The following TDRD1 variants were observed in gnomAD, a reference collection of about 807,000 sequenced individuals.
TDRD1 encodes tudor domain containing 1.
Under a neutral mutation model 140.6 loss-of-function variants are expected in TDRD1, and 37 were observed. The observed-to-expected ratio is 0.26, with a 90% CI of 0.20 to 0.35. The LOEUF is 0.35. Ranked by LOEUF, TDRD1 falls within the 10% of genes least tolerant of loss-of-function variation. TDRD1 has a pLI of 1.00. For synonymous variants in TDRD1, 506 were observed against 475.7 expected (o/e 1.06, Z -0.83); for missense variants, 1,243 against 1,393.0 (o/e 0.89, Z 1.71).
chr10:114,210,103 T>C (rs1260879879), intron 11 of TDRD1, among the ~76,000 whole-genome samples: 1 of 152,230 alleles, frequency 6.6e-6, no homozygotes, highest in African/African-American at 2.4e-5. Flanking sequence ...CTTGTGACTT[T>C]ATGTTGCTTG....
intron 1 of TDRD1, among the ~76,000 whole-genome samples, chr10:114,187,242 G>C (rs1272665866): frequency 6.6e-6 from 1 of 152,194 alleles, no homozygotes; most frequent in Non-Finnish European, 1.5e-5. Context: ...TGGAAGTTCA[G>C]CTGGAGATGA....
At position 114,204,830 on chromosome 10, in the gene TDRD1, A is replaced by G. The variant is rs775483482; in HGVS notation, c.1234A>G (p.Ile412Val). 98 of 1,599,030 alleles carry G rather than the reference A, an allele frequency of 6.1e-5. 1 individual carries two copies. Among genetic ancestry groups the G allele is most frequent in the Admixed American group, 4.6e-4 (26 of 57,046 alleles). The stretch of plus-strand genomic sequence containing the variant: ...AATGGAGCAGTACTGCTCCATAAAG[A>G]TTGTCGACATCTTGGAAGAGGAAGT... Residue 412 changes from isoleucine to valine, a missense_variant, in exon 10 of 26, where the codon ATT (isoleucine) becomes GTT (valine). By Grantham distance (29) the Ile-to-Val change is conservative (BLOSUM62 3). Transcript: ENST00000251864.
At chr10:114,213,647 AAT>A (rs2035629057) in intron 15 of TDRD1, 59 bp downstream of exon 15, 3 of 1,477,600 alleles carry the variant, frequency 2.0e-6, no homozygotes, top group Non-Finnish European at 2.8e-6. Context: ...TCTATAAATA[AAT>A]AGTTTCTTGT....
chr10:114,229,014 C>T (rs970189087), intron 25 of TDRD1, among the ~76,000 whole-genome samples: 8 of 152,086 alleles, frequency 5.3e-5, no homozygotes, highest in African/African-American at 9.6e-5. Flanking sequence ...ATCCAGGAGG[C>T]GGCGGTTGCA....
intron 4 of TDRD1, among the ~76,000 whole-genome samples, chr10:114,200,287 C>T (rs2034642276): frequency 6.6e-6 from 1 of 152,160 alleles, no homozygotes; most frequent in Non-Finnish European, 1.5e-5. Flanking sequence ...TTATTACTGG[C>T]TATTTGGATA....
intron 4 of TDRD1, 39 bp from the exon 5 acceptor site, chr10:114,201,371 G>C: frequency 6.6e-7 from 1 of 1,522,348 alleles, no homozygotes; most frequent in Non-Finnish European, 9.1e-7. Context: ...AGAATGTCTT[G>C]ATCTTCATCT....
chr10:114,226,714 T>C (rs2036459491), intron 22 of TDRD1, among the ~76,000 whole-genome samples: 1 of 152,214 alleles, frequency 6.6e-6, no homozygotes, highest in Non-Finnish European at 1.5e-5. Flanking sequence ...TTACTGTCGC[T>C]CCTGATGTCC....
chr10:114,181,152 G>C (rs910021089), intron 1 of TDRD1, among the ~76,000 whole-genome samples: 1 of 152,166 alleles, frequency 6.6e-6, no homozygotes, highest in Non-Finnish European at 1.5e-5. Flanking sequence ...TACTCTTCTA[G>C]TACATCAGTG....
intron 15 of TDRD1, 55 bp from the exon 16 acceptor site, chr10:114,213,922 A>G (rs1247400211): frequency 6.9e-6 from 11 of 1,589,304 alleles, no homozygotes; most frequent in East Asian, 2.2e-5. Flanking sequence ...AGCCACCCCA[A>G]CCTCGCTACA....
exon 19 of TDRD1, chr10:114,220,574 A>G (rs769986894): frequency 1.2e-6 from 2 of 1,609,606 alleles, no homozygotes; most frequent in Non-Finnish European, 1.7e-6. Context: ...CTAGATATAC[A>G]GTCTAGAAAC....
At chr10:114,220,348 G>C (rs1202050660) in intron 18 of TDRD1, among the ~76,000 whole-genome samples, 1 of 152,148 alleles carries the variant, frequency 6.6e-6, no homozygotes, top group Non-Finnish European at 1.5e-5. Flanking sequence ...AGCAGAGAAC[G>C]TAAGGAAAGA....
At chr10:114,227,481 C>T (rs1385023022) in intron 23 of TDRD1, among the ~76,000 whole-genome samples, 182 bp downstream of exon 23, 2 of 152,188 alleles carry the variant, frequency 1.3e-5, no homozygotes, top group Non-Finnish European at 2.9e-5. Context: ...GGAGGCAGTC[C>T]TCCGAGTCCA....
At chr10:114,176,122 T>C (rs1200954809), upstream of TDRD1, among the ~76,000 whole-genome samples, 1 of 152,094 alleles carries the variant, frequency 6.6e-6, no homozygotes, top group Non-Finnish European at 1.5e-5. The surrounding 1 kb of genome is among the most constrained non-coding windows in gnomAD (Gnocchi z 4.2). Context: ...AGCTTCGTAT[T>C]GTAATGGATG....
rs1198649521 is a variant in TDRD1 at position 114,227,304 on chromosome 10, T to A, written c.3403+5T>A. On this transcript the variant is annotated splice_donor_5th_base_variant and intron_variant, in intron 23 of 25. Transcript: ENST00000251864. ...GGCAGAGTGCTTTAAATACAGGTAT[T>A]CTTTTCAAGTGTTATTAATAACAGA... The A allele has an allele frequency of 3.2e-6, 5 of 1,577,544 alleles. No homozygotes were observed. Among genetic ancestry groups the A allele is most frequent in the Non-Finnish European group, 4.4e-6 (5 of 1,147,262 alleles).
In TDRD1 at chr10:114,228,288, G is replaced by A. The variant is rs552595965; in HGVS notation, c.3538+163G>A. 6 of 1,405,796 alleles carry A rather than the reference G, an allele frequency of 4.3e-6. No homozygotes were observed. In the East Asian group the frequency reaches 7.9e-5, roughly 18 times the overall value. The allele number at this position is 1,405,796 out of a possible 1,614,324, so 87.1% of individuals were successfully genotyped here. On this transcript the variant is annotated intron_variant, in intron 25 of 25. Coordinates refer to ENST00000251864, the Ensembl canonical transcript of TDRD1. ...TGGTCATAATGCTTCTGCTGTTTTT[G>A]TAGGTTTATCTGATCGTTTTCCTTT...
chr10:114,196,416 T>G (rs1367022722), intron 3 of TDRD1, among the ~76,000 whole-genome samples: 2 of 152,226 alleles, frequency 1.3e-5, no homozygotes, highest in Non-Finnish European at 2.9e-5. Context: ...ATATTTTCCT[T>G]GGATAAGTTT....
At chr10:114,199,415 AGT>A in intron 4 of TDRD1, 98 bp downstream of exon 4, 1 of 1,447,080 alleles carries the variant, frequency 6.9e-7, no homozygotes, top group Non-Finnish European at 9.2e-7. Context: ...TAATTAGAAC[AGT>A]GTCCCCATGC....
At chr10:114,182,267 A>T (rs772876373) in intron 1 of TDRD1, among the ~76,000 whole-genome samples, 48 of 152,198 alleles carry the variant, frequency 3.2e-4, no homozygotes, top group Non-Finnish European at 5.9e-4. Flanking sequence ...ACTGCAGCAC[A>T]ATTGGCTGTC....
chr10:114,204,661 A>T, intron 9 of TDRD1, 61 bp from the exon 10 acceptor site: 1 of 1,477,342 alleles, frequency 6.8e-7, no homozygotes, highest in Non-Finnish European at 9.1e-7. Flanking sequence ...ATATACAAAT[A>T]ATTAGAAAAA....
Sources: gnomAD v4.1 joint callset for allele counts (sites outside exome capture counted in the v4.1 genomes callset) on GRCh38, gnomAD v4.1.1 for gene constraint, Gnocchi (gnomAD v3.1) non-coding constraint, MANE v1.5 for transcripts, NCBI Gene and HGNC (gene_info 2026-07-23, HGNC 2026-07-21) for gene names.